Variants in GALNT2 observed in about 807,000 individuals in gnomAD.
GALNT2 encodes the protein UDP-GalNAc:polypeptide N-acetylgalactosaminyltransferase 2.
In GALNT2, 31 loss-of-function variants were observed where a neutral mutation model predicts 81.4. The ratio of observed to expected loss-of-function variants is 0.38; its 90% CI spans 0.29 to 0.51. The LOEUF (loss-of-function observed/expected upper bound fraction) is 0.51. GALNT2 is among the 20% of genes least tolerant of loss of function. GALNT2 has a pLI of 0.87. For synonymous variants in GALNT2, 303 were observed against 287.4 expected (o/e 1.05, Z -0.55); for missense variants, 629 against 765.7 (o/e 0.82, Z 2.11).
intron 7 of GALNT2, among the ~76,000 whole-genome samples, chr1:230,244,109 G>A (rs546486772): frequency 2.7e-4 from 41 of 151,940 alleles, no homozygotes; most frequent in Non-Finnish European, 2.2e-4. Context: ...GGGCGATAAA[G>A]CAAACTTAAT....
chr1:230,155,764 T>C (rs1662231042), intron 1 of GALNT2, among the ~76,000 whole-genome samples: 1 of 152,124 alleles, frequency 6.6e-6, no homozygotes, highest in African/African-American at 2.4e-5. Context: ...CCATCCTGAC[T>C]GGAAGAGAGA....
chr1:230,064,905 T>C (rs1398139403), upstream of GALNT2, among the ~76,000 whole-genome samples: 1 of 152,250 alleles, frequency 6.6e-6, no homozygotes, highest in East Asian at 1.9e-4. Context: ...TAAATTTTTA[T>C]CTCTATAAGC....
At chr1:230,212,910 A>G (rs1159395078) in intron 3 of GALNT2, among the ~76,000 whole-genome samples, 2 of 152,104 alleles carry the variant, frequency 1.3e-5, no homozygotes, top group African/African-American at 4.8e-5. Context: ...TGAGACTGGT[A>G]TAAGTAGACT....
intron 14 of GALNT2, among the ~76,000 whole-genome samples, chr1:230,273,658 T>G (rs570580612): frequency 6.6e-6 from 1 of 152,312 alleles, no homozygotes; most frequent in South Asian, 2.1e-4. Context: ...GTCACAGCCT[T>G]TAACTTGTGT....
intron 1 of GALNT2, among the ~76,000 whole-genome samples, chr1:230,145,816 C>T (rs187078531): frequency 6.6e-6 from 1 of 152,304 alleles, no homozygotes; most frequent in East Asian, 1.9e-4. Flanking sequence ...AAACAAGGTC[C>T]CTGTAATTAC....
intron 3 of GALNT2, among the ~76,000 whole-genome samples, chr1:230,211,612 C>T (rs867926692): frequency 6.6e-6 from 1 of 151,882 alleles, no homozygotes. Context: ...GAGACCCCAT[C>T]TTAAAAAACA....
chr1:230,135,366 C>T (rs1056117731), intron 1 of GALNT2, among the ~76,000 whole-genome samples: 7 of 151,984 alleles, frequency 4.6e-5, no homozygotes, highest in African/African-American at 1.2e-4. Flanking sequence ...TTCTACTTTG[C>T]GATGCATGTT....
At chr1:230,224,880 ACTC>A (rs138659723) in intron 3 of GALNT2, among the ~76,000 whole-genome samples, 6,737 of 152,262 alleles carry the variant, frequency 0.044, 194 homozygotes, top group Non-Finnish European at 0.064. Context: ...CATGCTTCCG[ACTC>A]CTATACGTTG....
chr1:230,235,931 G>A (rs1412394908), intron 3 of GALNT2, 83 bp from the exon 4 acceptor site: 1 of 1,276,800 alleles, frequency 7.8e-7, no homozygotes, highest in African/African-American at 1.5e-5. Context: ...CAGTTGGTCA[G>A]TCTGCCTGTT....
chr1:230,130,944 T>C (rs1467265914), intron 1 of GALNT2, among the ~76,000 whole-genome samples: 1 of 152,110 alleles, frequency 6.6e-6, no homozygotes, highest in Non-Finnish European at 1.5e-5. Flanking sequence ...AGGTGGAGGC[T>C]GAGCCTGAGA....
At chr1:230,236,601 A>G in intron 5 of GALNT2, 59 bp from the exon 6 acceptor site, 3 of 1,539,092 alleles carry the variant, frequency 1.9e-6, no homozygotes, top group Non-Finnish European at 2.7e-6. Flanking sequence ...ACTATGGTTG[A>G]ATGCAAAGCC....
chr1:230,115,859 G>A (rs1660828690), intron 1 of GALNT2, among the ~76,000 whole-genome samples: 1 of 152,186 alleles, frequency 6.6e-6, no homozygotes, highest in Non-Finnish European at 1.5e-5. Flanking sequence ...CATGCTCACA[G>A]CATGTTCCCT....
At chr1:230,196,131 C>G (rs1404336393) in intron 2 of GALNT2, among the ~76,000 whole-genome samples, 2 of 152,220 alleles carry the variant, frequency 1.3e-5, no homozygotes, top group African/African-American at 4.8e-5. Context: ...TACTTCAGCC[C>G]AGGCTAGAGG....
Position 230,209,057 on chromosome 1 carries a change from TGTTGAA to T in GALNT2, c.374+5772_374+5777del, listed in dbSNP as rs377279400. 3.9e-3 allele frequency among the ~76,000 whole-genome samples: 582 copies of T among 151,000 alleles called. 10 individuals are homozygous for T. The highest frequency in any genetic ancestry group is 0.022 in the Admixed American group (331 of 15,166). On this transcript the variant is annotated intron_variant, in intron 3 of 15. Coordinates refer to ENST00000366672, the MANE Select transcript of GALNT2 (RefSeq NM_004481.5). ...CCCATTAGTTAAAAAAAAAAAAGCA[TGTTGAA>T]GTTGTTTTTTTGTTTTTTCTGTTAT...
chr1:230,176,015 A>G (rs893050846), intron 1 of GALNT2, among the ~76,000 whole-genome samples: 3 of 152,184 alleles, frequency 2.0e-5, no homozygotes, highest in Non-Finnish European at 4.4e-5. Flanking sequence ...GAGAGGGTCA[A>G]TGCACAATGC....
intron 1 of GALNT2, among the ~76,000 whole-genome samples, chr1:230,099,086 T>A (rs1486342747): frequency 1.3e-5 from 2 of 152,224 alleles, no homozygotes; most frequent in African/African-American, 4.8e-5. Flanking sequence ...AAGTTCTTCC[T>A]TGAGGAGTTG....
intron 1 of GALNT2, among the ~76,000 whole-genome samples, chr1:230,136,048 T>C (rs1340153547): frequency 6.6e-6 from 1 of 152,084 alleles, no homozygotes; most frequent in East Asian, 1.9e-4. Context: ...GATAAAAGGA[T>C]ATATTCTGGA....
chr1:230,112,991 C>T (rs979459226), intron 1 of GALNT2, among the ~76,000 whole-genome samples: 10 of 152,196 alleles, frequency 6.6e-5, no homozygotes, highest in Non-Finnish European at 1.3e-4. Flanking sequence ...CCAGTGACCT[C>T]GTAACTGTGG....
Position 230,067,318 on chromosome 1 carries a change from T to C in GALNT2, c.38T>C (p.Phe13Ser). 7.2e-7 allele frequency: 1 copy of C among 1,386,092 alleles called. No individual in the cohort carries two copies. The highest frequency in any genetic ancestry group is 1.5e-5 in the South Asian group (1 of 64,672). The allele number at this position is 1,386,092 out of a possible 1,614,324, so 85.9% of individuals were successfully genotyped here. The part of the protein sequence containing the change: ...RRSRMLLCFA[F>S]LWVLGIAYYM... ...TCGCGGATGCTGCTCTGCTTCGCCT[T>C]CCTGTGGGTGCTGGGCATCGCCTAC... is the stretch of plus-strand genomic sequence containing the variant. Residue 13 changes from phenylalanine to serine, a missense_variant, in exon 1 of 16, where the codon TTC becomes TCC. Transcript: ENST00000366672.
Sources: allele counts gnomAD v4.1 joint callset (sites outside exome capture counted in the v4.1 genomes callset), GRCh38; gene constraint gnomAD v4.1.1; transcripts MANE v1.5; gene names NCBI Gene and HGNC (gene_info 2026-07-23, HGNC 2026-07-21).